NOX4: variants seen among roughly 807,000 people sequenced by gnomAD.
The protein encoded by NOX4 is NADPH oxidase 4.
In NOX4, 69 loss-of-function variants were observed where a neutral mutation model predicts 87.6. The observed-to-expected ratio is 0.79, with a 90% CI of 0.65 to 0.96. The LOEUF is 0.96. Ranked by LOEUF, NOX4 falls within the 40% of genes least tolerant of loss-of-function variation. The probability of loss-of-function intolerance (pLI) is 0.00; values close to 1 mark genes in which losing one functional copy is unlikely to be tolerated. For missense variants in NOX4, 680 were observed against 681.5 expected, an observed-to-expected ratio of 1.00 and a Z score of 0.02; for synonymous variants, 275 against 238.2, an observed-to-expected ratio of 1.15 and a Z score of -1.42.
chr11:89,470,128 A>G (rs114912131), intron 2 of NOX4, among the ~76,000 whole-genome samples: 1,998 of 152,184 alleles, frequency 0.013, 54 homozygotes, highest in African/African-American at 0.045. Context: ...GGGTTATTGT[A>G]TATATTAAGT....
Position 89,349,548 on chromosome 11 carries a change from A to C in NOX4, c.1217+5414T>G, listed in dbSNP as rs1946365988. On this transcript the variant is annotated intron_variant, in intron 13 of 17. Coordinates refer to ENST00000263317, the MANE Select transcript of NOX4 (RefSeq NM_016931.5). ...AAGTCATTTTTACGTAGCCCATTAG[A>C]AATGAGATTGAGGTAGGACATTGCT... 2.6e-5 allele frequency among the ~76,000 whole-genome samples: 4 copies of C among 152,294 alleles called. No homozygotes were observed. In the South Asian group the frequency reaches 8.3e-4, roughly 32 times the overall value.
At chr11:89,439,467 G>A (rs774551151) in intron 6 of NOX4, among the ~76,000 whole-genome samples, 8 of 152,032 alleles carry the variant, frequency 5.3e-5, no homozygotes, top group Non-Finnish European at 8.8e-5. Context: ...TAAATATATA[G>A]CTGTGACATG....
In NOX4 at chr11:89,421,966, T is replaced by G. The variant is rs1053464558; in HGVS notation, c.565A>C (p.Ile189Leu). The G allele has an allele frequency of 6.5e-7, 1 of 1,546,450 alleles. No homozygotes were observed. The highest frequency in any genetic ancestry group is 1.4e-5 in the African/African-American group (1 of 71,188). ...TYAIRVSNYD[I>L]FWYTHNLFFV... ...AAGAGGTTATGAGTATACCAGAAGA[T>G]ATCATAGTTAGAAACTCTGCAAAAA... is the stretch of plus-strand genomic sequence containing the variant. The change falls in exon 8 of 18, where the codon ATC becomes CTC. Residue 189 changes from isoleucine to leucine, a missense_variant. Ile to Leu is a conservative substitution (Grantham distance 5, BLOSUM62 2). Transcript: ENST00000263317.
upstream of NOX4, among the ~76,000 whole-genome samples, chr11:89,491,912 C>T (rs1327416651): frequency 2.0e-5 from 3 of 152,022 alleles, no homozygotes; most frequent in African/African-American, 7.2e-5. Flanking sequence ...ATCCCACTCC[C>T]AAACTAAAGC....
the NOX4 span, among the ~76,000 whole-genome samples, chr11:89,564,542 C>A: frequency 1.3e-5 from 2 of 152,054 alleles, no homozygotes; most frequent in Non-Finnish European, 2.9e-5. Context: ...GACACAAATC[C>A]AAACCACATC....
the NOX4 span, among the ~76,000 whole-genome samples, chr11:89,550,316 G>T: frequency 2.8e-4 from 42 of 151,930 alleles, no homozygotes; most frequent in African/African-American, 9.9e-4. Context: ...CTCTCGAGTA[G>T]CTGGGATTAC....
Position 89,403,699 on chromosome 11 carries a change from C to T in NOX4, c.630-1157G>A, listed in dbSNP as rs935385566. ...GGAGGTTGCGGTGACCCTGAGATCACACCATTGCACTCCAGCCTGGACAAT... is the reference window on the plus strand; with the variant it reads ...GGAGGTTGCGGTGACCCTGAGATCATACCATTGCACTCCAGCCTGGACAAT... On this transcript the variant is annotated intron_variant, in intron 8 of 17. Coordinates refer to ENST00000263317, the MANE Select transcript of NOX4 (RefSeq NM_016931.5). 5.3e-5 allele frequency among the ~76,000 whole-genome samples: 8 copies of T among 152,084 alleles called. 1 individual carries two copies. Among genetic ancestry groups the T allele is most frequent in the African/African-American group, 1.4e-4 (6 of 41,422 alleles).
chr11:89,560,560 T>A, the NOX4 span, among the ~76,000 whole-genome samples: 2 of 151,976 alleles, frequency 1.3e-5, no homozygotes, highest in Non-Finnish European at 2.9e-5. Context: ...TCTGAGGAGA[T>A]TGGTTCATGA....
chr11:89,457,584 G>C (rs1157216511), intron 2 of NOX4, among the ~76,000 whole-genome samples: 1 of 152,196 alleles, frequency 6.6e-6, no homozygotes, highest in East Asian at 1.9e-4. Flanking sequence ...TTAACAGGCA[G>C]TCCAGGAGTG....
intron 5 of NOX4, 37 bp downstream of exon 5, chr11:89,444,097 AC>A (rs1414692265): frequency 2.6e-6 from 4 of 1,566,408 alleles, no homozygotes; most frequent in Middle Eastern, 3.3e-4. Flanking sequence ...TCATCTCATG[AC>A]AAGTGAAAGA....
rs1168564561 is a variant in NOX4 at position 89,325,122 on chromosome 11, T to C, written c.*1634A>G. The stretch of plus-strand genomic sequence containing the variant: ...TGTATGAATGCTTTAATTCTTTTTT[T>C]TTTTTTTTTTTTTTTTTTTTGAGAT... On this transcript the variant is annotated 3_prime_UTR_variant, in exon 18 of 18. Transcript: ENST00000263317. The C allele has an allele frequency of 6.5e-5, 8 of 122,218 alleles. No homozygotes were observed. Among genetic ancestry groups the C allele is most frequent in the Non-Finnish European group, 1.3e-4 (8 of 61,010 alleles). The allele number at this position is 122,218 out of a possible 1,614,324, so 7.6% of individuals were successfully genotyped here. A position where few individuals can be genotyped will look rare whatever the true frequency, so the allele number is the denominator to read the frequency against.
intron 12 of NOX4, among the ~76,000 whole-genome samples, chr11:89,365,279 T>C (rs975378624): frequency 6.6e-6 from 1 of 152,126 alleles, no homozygotes; most frequent in Admixed American, 6.6e-5. Flanking sequence ...TGCTTCTTAT[T>C]TGTTTAACAC....
chr11:89,400,014 T>C lies in NOX4; in HGVS notation c.1074+3A>G. 1.2e-6 allele frequency: 2 copies of C among 1,604,482 alleles called. No individual in the cohort carries two copies. Among genetic ancestry groups the C allele is most frequent in the Non-Finnish European group, 1.7e-6 (2 of 1,173,182 alleles). ...GTGAAAAAGCAAGAGATATGTTTCT[T>C]ACCATTGTGAGGGTAAATGGATGAT... On this transcript the variant is annotated splice_donor_region_variant and intron_variant, in intron 11 of 17. Coordinates refer to ENST00000263317, the MANE Select transcript of NOX4 (RefSeq NM_016931.5).
At chr11:89,550,561 T>C in the NOX4 span, among the ~76,000 whole-genome samples, 1 of 152,224 alleles carries the variant, frequency 6.6e-6, no homozygotes, top group Admixed American at 6.5e-5. Context: ...GATGAGCTTT[T>C]TTTCATATGT....
At chr11:89,557,329 T>C in the NOX4 span, 1 of 152,158 alleles carries the variant, frequency 6.6e-6, no homozygotes, top group Admixed American at 6.6e-5. Context: ...AGGGCAGTAT[T>C]TGAAACACTT....
chr11:89,561,015 T>TATATATATACAC, the NOX4 span, among the ~76,000 whole-genome samples: 51 of 80,526 alleles, frequency 6.3e-4, no homozygotes, highest in African/African-American at 1.1e-3. Flanking sequence ...TATATATATA[T>TATATATATACAC]ATATACATAC....
chr11:89,437,816 C>A (rs369822083), intron 6 of NOX4, among the ~76,000 whole-genome samples: 4 of 152,134 alleles, frequency 2.6e-5, no homozygotes, highest in Admixed American at 6.6e-5. Flanking sequence ...GGTTCCAGGA[C>A]CCCTCACAGA....
At chr11:89,491,925 C>G (rs951925657), upstream of NOX4, among the ~76,000 whole-genome samples, 1 of 152,076 alleles carries the variant, frequency 6.6e-6, no homozygotes, top group Admixed American at 6.6e-5. Context: ...ACTAAAGCCC[C>G]CCTGACAGCC....
At chr11:89,335,812 C>T (rs1354065304) in intron 17 of NOX4, 33 bp downstream of exon 17, 9 of 922,334 alleles carry the variant, frequency 9.8e-6, no homozygotes, top group Non-Finnish European at 1.5e-5. Flanking sequence ...ATTTTATTAG[C>T]CACATATCAA....
Sources: allele counts gnomAD v4.1 joint callset (sites outside exome capture counted in the v4.1 genomes callset), GRCh38; gene constraint gnomAD v4.1.1; transcripts MANE v1.5; gene names NCBI Gene and HGNC (gene_info 2026-07-23, HGNC 2026-07-21).